The following MTMR2 variants were observed in gnomAD, a reference collection of about 807,000 sequenced individuals.
MTMR2 encodes myotubularin related protein 2, also known as phosphatidylinositol-3,5-bisphosphate 3-phosphatase MTMR2.
MTMR2 carries 55 observed loss-of-function variants against 86.9 expected under a neutral mutation model. The observed-to-expected ratio is 0.63, with a 90% CI of 0.51 to 0.79. The LOEUF (loss-of-function observed/expected upper bound fraction) is 0.79. Among genes scored for constraint, MTMR2 ranks in the 30% least tolerant of loss-of-function variants. MTMR2 has a pLI of 0.00. For missense variants in MTMR2, 659 were observed against 772.3 expected, an observed-to-expected ratio of 0.85 and a Z score of 1.74; for synonymous variants, 241 against 266.8, an observed-to-expected ratio of 0.90 and a Z score of 0.94.
intron 1 of MTMR2, among the ~76,000 whole-genome samples, chr11:95,918,829 C>T (rs1215331712): frequency 6.6e-6 from 1 of 152,076 alleles, no homozygotes; most frequent in Non-Finnish European, 1.5e-5. Context: ...AGCATATTTC[C>T]TACCAACATA....
At chr11:95,868,144 G>A (rs1372222469) in intron 2 of MTMR2, among the ~76,000 whole-genome samples, 2 of 151,382 alleles carry the variant, frequency 1.3e-5, no homozygotes, top group Non-Finnish European at 3.0e-5. Flanking sequence ...GGCATCACGG[G>A]TCTACAGTCT....
chr11:95,915,858 G>A (rs972956081), intron 1 of MTMR2, among the ~76,000 whole-genome samples: 11 of 152,166 alleles, frequency 7.2e-5, no homozygotes, highest in African/African-American at 9.6e-5. Flanking sequence ...AATATAGCAC[G>A]GCAATCCATT....
intron 1 of MTMR2, among the ~76,000 whole-genome samples, chr11:95,903,362 T>C (rs1190625276): frequency 6.6e-6 from 1 of 152,316 alleles, no homozygotes; most frequent in East Asian, 1.9e-4. Flanking sequence ...ATGCCTGTTA[T>C]TACAGTCGTT....
rs115665390 is a variant in MTMR2 at position 95,840,822 on chromosome 11, T to G, written c.1479+795A>C. Among the ~76,000 whole-genome samples, 1,018 of 152,314 alleles carry G rather than the reference T, an allele frequency of 6.7e-3. 15 individuals carry two copies. Among genetic ancestry groups the G allele is most frequent in the African/African-American group, 0.023 (962 of 41,576 alleles). ...AGCCAGGCAGAGCCAGCACTTGCCC[T>G]ACTTTAAATTCATATGGCAATCTAA... On this transcript the variant is annotated intron_variant, in intron 12 of 14. Coordinates refer to ENST00000346299, the MANE Select transcript of MTMR2 (RefSeq NM_016156.6).
In MTMR2 at chr11:95,840,552, A is replaced by G. The variant is rs11601306; in HGVS notation, c.1479+1065T>C. On this transcript the variant is annotated intron_variant, in intron 12 of 14. Coordinates refer to ENST00000346299, the MANE Select transcript of MTMR2 (RefSeq NM_016156.6). ...GATTTATAAACCAAAACTGAATTGT[A>G]TACACCTTTTCAGTATATATGCTAA... 9.7e-4 allele frequency among the ~76,000 whole-genome samples: 147 copies of G among 152,276 alleles called. 2 individuals carry two copies. Among genetic ancestry groups the G allele is most frequent in the African/African-American group, 3.4e-3 (143 of 41,570 alleles).
Position 95,850,616 on chromosome 11 carries a change from G to T in MTMR2, c.788C>A (p.Ser263Ter). ...EELKRVASFR[S>*]RGRIPVLSWI... is the part of the protein sequence containing the mutation. ...CCTACTTACTGGGATACGGCCTCTTGATCTGAAGGATGCCACTCTCTTTAA... is the reference window on the plus strand; with the variant it reads ...CCTACTTACTGGGATACGGCCTCTTTATCTGAAGGATGCCACTCTCTTTAA... Residue 263 changes from serine to a stop codon, truncating the protein, a stop_gained, in exon 8 of 15, where the codon TCA (serine) becomes TAA (stop). Coordinates refer to ENST00000346299, the MANE Select transcript of MTMR2 (RefSeq NM_016156.6). LOFTEE classifies it high-confidence loss of function. 6.2e-7 allele frequency: 1 copy of T among 1,614,050 alleles called. No individual in the cohort carries two copies. The highest frequency in any genetic ancestry group is 8.5e-7 in the Non-Finnish European group (1 of 1,179,990).
intron 11 of MTMR2, among the ~76,000 whole-genome samples, chr11:95,844,010 G>C (rs1863663775): frequency 6.6e-6 from 1 of 152,036 alleles, no homozygotes. Flanking sequence ...TCTTGACTGG[G>C]TGCCCTTTAA....
intron 3 of MTMR2, among the ~76,000 whole-genome samples, chr11:95,865,027 C>A (rs967384312): frequency 1.3e-5 from 2 of 151,936 alleles, no homozygotes; most frequent in Non-Finnish European, 2.9e-5. Flanking sequence ...GGAAAAAAAA[C>A]ACAGCTTGTA....
rs1863715336 is a variant in MTMR2 at position 95,844,989 on chromosome 11, C to T, written c.1350G>A (p.Glu450=). ...RTIRGFEVLV[E]KEWLSFGHRF... is the part of the protein sequence containing the mutation. ...GATGTCCAAAACTTAGCCATTCTTT[C>T]TCCACAAGGACTTCAAATCCTCGGA... is the stretch of plus-strand genomic sequence containing the variant. Residue 450 remains glutamate (E), a synonymous_variant, in exon 11 of 15, where the codon GAG becomes GAA. Coordinates refer to ENST00000346299, the MANE Select transcript of MTMR2 (RefSeq NM_016156.6). The T allele has an allele frequency of 6.2e-7, 1 of 1,613,742 alleles. No individual in the cohort carries two copies. The highest frequency in any genetic ancestry group is 8.5e-7 in the Non-Finnish European group (1 of 1,179,842).
intron 2 of MTMR2, among the ~76,000 whole-genome samples, chr11:95,887,152 G>A (rs1485086628): frequency 6.6e-6 from 1 of 152,084 alleles, no homozygotes; most frequent in African/African-American, 2.4e-5. Context: ...ACAATGAAAT[G>A]GATGAAAAAG....
At chr11:95,856,624 T>C (rs1864226896) in intron 7 of MTMR2, among the ~76,000 whole-genome samples, 1 of 152,102 alleles carries the variant, frequency 6.6e-6, no homozygotes, top group Non-Finnish European at 1.5e-5. Context: ...GCTAATGCTC[T>C]ATTCTTACTG....
intron 7 of MTMR2, among the ~76,000 whole-genome samples, chr11:95,854,155 T>G (rs1364607299): frequency 6.6e-6 from 1 of 152,252 alleles, no homozygotes; most frequent in East Asian, 1.9e-4. Flanking sequence ...AAAAACTGCC[T>G]TTCAAGCAGA....
rs532911687 is a variant in MTMR2 at position 95,871,583 on chromosome 11, G to A, written c.187-5907C>T. Among the ~76,000 whole-genome samples, 351 of 152,032 alleles carry A rather than the reference G, an allele frequency of 2.3e-3. 1 individual carries two copies. Among genetic ancestry groups the A allele is most frequent in the African/African-American group, 7.9e-3 (328 of 41,516 alleles). ...TATCTTTCACCCACTTTTTGATGGGGTTGTTTTTTCTTGTAAATTTGTTTG... is the reference window on the plus strand; with the variant it reads ...TATCTTTCACCCACTTTTTGATGGGATTGTTTTTTCTTGTAAATTTGTTTG... On this transcript the variant is annotated intron_variant, in intron 2 of 14. Transcript: ENST00000346299.
chr11:95,854,133 C>T (rs1306887681), intron 7 of MTMR2, among the ~76,000 whole-genome samples: 1 of 152,100 alleles, frequency 6.6e-6, no homozygotes, highest in Non-Finnish European at 1.5e-5. Flanking sequence ...AGCCGACACA[C>T]CTATCTTCAC....
intron 1 of MTMR2, among the ~76,000 whole-genome samples, chr11:95,902,477 C>G (rs962265305): frequency 6.6e-6 from 1 of 152,160 alleles, no homozygotes; most frequent in Non-Finnish European, 1.5e-5. Context: ...AGTCTTACAA[C>G]TATCCACATT....
chr11:95,860,914 T>C lies in MTMR2; in HGVS notation c.468+1078A>G, dbSNP rs998250328. Among the ~76,000 whole-genome samples the C allele has an allele frequency of 3.9e-5, 6 of 152,048 alleles. No homozygotes were observed. In the East Asian group the frequency reaches 9.6e-4, roughly 24 times the overall value. On this transcript the variant is annotated intron_variant, in intron 5 of 14. Coordinates refer to ENST00000346299, the MANE Select transcript of MTMR2 (RefSeq NM_016156.6). ...GGCTCACGCCTGTAATCCCAGCACT[T>C]TGAGAGGCCGAGATGGGCAGATCAC... is the stretch of plus-strand genomic sequence containing the variant.
At chr11:95,908,692 T>G (rs1472716766) in intron 1 of MTMR2, among the ~76,000 whole-genome samples, 1 of 152,092 alleles carries the variant, frequency 6.6e-6, no homozygotes, top group African/African-American at 2.4e-5. Context: ...TAATGCTGCC[T>G]TCCTACAATC....
At chr11:95,923,102 T>C (rs1285375431) in intron 1 of MTMR2, among the ~76,000 whole-genome samples, 3 of 152,222 alleles carry the variant, frequency 2.0e-5, no homozygotes, top group Non-Finnish European at 4.4e-5. Context: ...TTAATATTCA[T>C]AAAAGCTCTC....
At chr11:95,919,368 C>T (rs1337495070) in intron 1 of MTMR2, among the ~76,000 whole-genome samples, 1 of 151,770 alleles carries the variant, frequency 6.6e-6, no homozygotes, top group African/African-American at 2.4e-5. Flanking sequence ...TATGTGTACC[C>T]CCCCTTTGAT....
Sources: gnomAD v4.1 joint callset for allele counts (sites outside exome capture counted in the v4.1 genomes callset) on GRCh38, gnomAD v4.1.1 for gene constraint, MANE v1.5 for transcripts, NCBI Gene and HGNC (gene_info 2026-07-23, HGNC 2026-07-21) for gene names.